CSMD3: variants seen among roughly 807,000 people sequenced by gnomAD.
CSMD3 encodes the protein CUB and sushi domain-containing protein 3.
Under a neutral mutation model 435.2 loss-of-function variants are expected in CSMD3, and 177 were observed. That is an observed-to-expected ratio of 0.41 (90% confidence interval 0.36 to 0.46). The LOEUF is 0.46. CSMD3 is among the 20% of genes least tolerant of loss of function. The probability of loss-of-function intolerance (pLI) is 0.34; values close to 1 mark genes in which losing one functional copy is unlikely to be tolerated. For missense variants in CSMD3, 4,265 were observed against 4,504.6 expected (o/e 0.95, Z 1.52); for synonymous variants, 1,656 against 1,520.5 (o/e 1.09, Z -2.07).
At chr8:112,647,671 T>G (rs1240475028) in intron 19 of CSMD3, among the ~76,000 whole-genome samples, 1 of 152,190 alleles carries the variant, frequency 6.6e-6, no homozygotes, top group Non-Finnish European at 1.5e-5. Context: ...GTTCTTTAAT[T>G]GATCTATCTC....
chr8:113,243,128 A>C (rs539209495), intron 3 of CSMD3, among the ~76,000 whole-genome samples: 1 of 151,880 alleles, frequency 6.6e-6, no homozygotes, highest in African/African-American at 2.4e-5. Flanking sequence ...TATTAATACA[A>C]GAAATAATAT....
chr8:113,381,572 A>C (rs1210298267), intron 1 of CSMD3, among the ~76,000 whole-genome samples: 2 of 151,400 alleles, frequency 1.3e-5, no homozygotes, highest in African/African-American at 4.9e-5. Context: ...CCAATTTTTT[A>C]TTTATTAAGC....
At chr8:112,736,051 T>C (rs2132033995) in intron 13 of CSMD3, among the ~76,000 whole-genome samples, 1 of 152,178 alleles carries the variant, frequency 6.6e-6, no homozygotes, top group East Asian at 1.9e-4. Flanking sequence ...AATTATACTT[T>C]AGGAGCCTAG....
At chr8:113,131,044 C>G (rs1188959758) in intron 4 of CSMD3, among the ~76,000 whole-genome samples, 1 of 152,020 alleles carries the variant, frequency 6.6e-6, no homozygotes, top group Non-Finnish European at 1.5e-5. Flanking sequence ...ATGGCTGTTT[C>G]TAAAAGTGTA....
At chr8:113,319,683 TATC>T (rs896928252) in intron 1 of CSMD3, among the ~76,000 whole-genome samples, 4 of 152,220 alleles carry the variant, frequency 2.6e-5, no homozygotes, top group Non-Finnish European at 4.4e-5. Flanking sequence ...AAAAAAAAGT[TATC>T]ATACTATTTT....
intron 4 of CSMD3, among the ~76,000 whole-genome samples, chr8:113,129,516 C>T (rs139254054): frequency 1.3e-5 from 2 of 152,102 alleles, no homozygotes; most frequent in Admixed American, 6.6e-5. Flanking sequence ...ATTTGTCATG[C>T]AATTCTCATT....
At chr8:113,143,302 A>T (rs1181109953) in intron 4 of CSMD3, among the ~76,000 whole-genome samples, 1 of 151,254 alleles carries the variant, frequency 6.6e-6, no homozygotes, top group Non-Finnish European at 1.5e-5. Context: ...TGGCTAAAAT[A>T]AAAAAACAGT....
At chr8:112,866,831 A>G (rs1461415158) in intron 10 of CSMD3, among the ~76,000 whole-genome samples, 1 of 152,170 alleles carries the variant, frequency 6.6e-6, no homozygotes, top group Non-Finnish European at 1.5e-5. Flanking sequence ...TTTACTTAAT[A>G]GTTTCTATCG....
chr8:112,328,189 A>C (rs951964866), intron 45 of CSMD3, among the ~76,000 whole-genome samples: 1 of 152,150 alleles, frequency 6.6e-6, no homozygotes, highest in Admixed American at 6.6e-5. Flanking sequence ...TAATCTCATG[A>C]TTTGGGGGAG....
intron 6 of CSMD3, among the ~76,000 whole-genome samples, chr8:112,984,821 A>G (rs922391748): frequency 2.6e-5 from 4 of 151,964 alleles, no homozygotes; most frequent in African/African-American, 7.2e-5. Context: ...CTAATACCCT[A>G]CTTTTTCTAC....
At chr8:113,116,904 G>A (rs564650130) in intron 4 of CSMD3, among the ~76,000 whole-genome samples, 57 of 152,212 alleles carry the variant, frequency 3.7e-4, no homozygotes, top group African/African-American at 1.3e-3. Flanking sequence ...AAAGATCTGT[G>A]GAGATTTGAA....
At chr8:112,889,276 T>C (rs1011163302) in intron 10 of CSMD3, among the ~76,000 whole-genome samples, 1 of 151,694 alleles carries the variant, frequency 6.6e-6, no homozygotes, top group African/African-American at 2.4e-5. Flanking sequence ...CCTGATGATA[T>C]TCAGCTGTGC....
intron 59 of CSMD3, among the ~76,000 whole-genome samples, chr8:112,278,123 G>C (rs1372804175): frequency 6.6e-6 from 1 of 152,148 alleles, no homozygotes; most frequent in Non-Finnish European, 1.5e-5. Context: ...TCTGGGGAGG[G>C]GGCAGTTGAT....
chr8:113,178,920 C>T (rs2092385309), intron 3 of CSMD3, among the ~76,000 whole-genome samples: 1 of 151,710 alleles, frequency 6.6e-6, no homozygotes, highest in African/African-American at 2.4e-5. Flanking sequence ...AGAACTATTT[C>T]CTCATTAAAT....
chr8:113,200,322 C>T (rs929223640), intron 3 of CSMD3, among the ~76,000 whole-genome samples: 1 of 151,834 alleles, frequency 6.6e-6, no homozygotes, highest in Non-Finnish European at 1.5e-5. Flanking sequence ...AAGTCTCTCA[C>T]TAGGATGCTG....
At chr8:112,268,619 T>A (rs537642277) in intron 59 of CSMD3, among the ~76,000 whole-genome samples, 2 of 152,190 alleles carry the variant, frequency 1.3e-5, no homozygotes, top group Non-Finnish European at 2.9e-5. Flanking sequence ...TCCCATGCAA[T>A]ATAATTTATG....
chr8:113,257,089 A>G (rs1244271243), intron 3 of CSMD3, among the ~76,000 whole-genome samples: 1 of 152,160 alleles, frequency 6.6e-6, no homozygotes, highest in Non-Finnish European at 1.5e-5. Flanking sequence ...AGTGTTTAAC[A>G]ACTGGCTCTC....
In CSMD3 at chr8:112,265,463, G is replaced by A. The variant is rs2130411373; in HGVS notation, c.9636C>T (p.Ile3212=). The change falls in exon 60 of 71, where the codon ATC becomes ATT. Residue 3212 remains isoleucine (I), a synonymous_variant. Coordinates refer to ENST00000297405, the MANE Select transcript of CSMD3 (RefSeq NM_198123.2). ...ATGTGCCATTAATTGTACAAGTCCT[G>A]ATTCTGGAGCCATTCAATTCCATCG... ...GYTMELNGSR[I]RTCTINGTWS... 1 of 1,613,710 alleles carries A rather than the reference G, an allele frequency of 6.2e-7. No individual in the cohort carries two copies.
At chr8:113,383,532 G>C (rs927151211) in intron 1 of CSMD3, among the ~76,000 whole-genome samples, 1 of 152,116 alleles carries the variant, frequency 6.6e-6, no homozygotes, top group Non-Finnish European at 1.5e-5. Context: ...ATAAAGATAG[G>C]AGCACAATTC....
Sources: gnomAD v4.1 joint callset for allele counts (sites outside exome capture counted in the v4.1 genomes callset) on GRCh38, gnomAD v4.1.1 for gene constraint, MANE v1.5 for transcripts, NCBI Gene and HGNC (gene_info 2026-07-23, HGNC 2026-07-21) for gene names.